EGFLAM: variants seen among roughly 807,000 people sequenced by gnomAD.
EGFLAM encodes the protein pikachurin.
EGFLAM carries 79 observed loss-of-function variants against 113.1 expected under a neutral mutation model. That is an observed-to-expected ratio of 0.70 (90% CI 0.58 to 0.84). The LOEUF is 0.84. Among genes scored for constraint, EGFLAM ranks in the 40% least tolerant of loss-of-function variants. EGFLAM has a pLI of 0.00. For missense variants in EGFLAM, 1,265 were observed against 1,291.6 expected, an observed-to-expected ratio of 0.98 and a Z score of 0.32; for synonymous variants, 504 against 487.6, an observed-to-expected ratio of 1.03 and a Z score of -0.44.
chr5:38,384,391 T>G (rs952966175), intron 6 of EGFLAM, among the ~76,000 whole-genome samples: 2 of 152,172 alleles, frequency 1.3e-5, no homozygotes, highest in African/African-American at 2.4e-5. Flanking sequence ...CCCACTTACA[T>G]GCGTGGTTAC....
At chr5:38,447,837 G>A (rs913924068) in intron 17 of EGFLAM, among the ~76,000 whole-genome samples, 3 of 151,940 alleles carry the variant, frequency 2.0e-5, no homozygotes, top group African/African-American at 7.3e-5. Context: ...CATTCATAGT[G>A]CTTTAGAGTC....
intron 19 of EGFLAM, among the ~76,000 whole-genome samples, chr5:38,454,559 A>C (rs79856699): frequency 6.6e-6 from 1 of 152,228 alleles, no homozygotes; most frequent in African/African-American, 2.4e-5. Flanking sequence ...CCTCAGAGAG[A>C]GAACACGTAG....
intron 11 of EGFLAM, among the ~76,000 whole-genome samples, chr5:38,414,527 A>T (rs1741581719): frequency 6.6e-6 from 1 of 152,146 alleles, no homozygotes; most frequent in Admixed American, 6.6e-5. Flanking sequence ...GGAGGTGATG[A>T]TCTTATTCTA....
At chr5:38,407,225 A>G (rs1307129602) in intron 8 of EGFLAM, 79 bp downstream of exon 8, 3 of 1,474,276 alleles carry the variant, frequency 2.0e-6, no homozygotes, top group Non-Finnish European at 2.8e-6. Flanking sequence ...TGGTCCAAAC[A>G]TAGTTCCTTC....
intron 5 of EGFLAM, among the ~76,000 whole-genome samples, chr5:38,364,647 C>T (rs749171685): frequency 2.6e-5 from 4 of 152,012 alleles, no homozygotes; most frequent in East Asian, 1.9e-4. Context: ...TTTGAAAGAT[C>T]GTGCAGACAT....
intron 11 of EGFLAM, among the ~76,000 whole-genome samples, chr5:38,413,894 G>A (rs181176667): frequency 1.7e-4 from 26 of 152,202 alleles, no homozygotes; most frequent in African/African-American, 3.9e-4. Context: ...CAGAAGGAGC[G>A]TGTAACCTGG....
intron 20 of EGFLAM, among the ~76,000 whole-genome samples, chr5:38,459,509 C>T (rs942322105): frequency 2.6e-5 from 4 of 152,226 alleles, no homozygotes; most frequent in South Asian, 4.1e-4. Context: ...TTTTCAGAAA[C>T]GAAATAGCAG....
At chr5:38,381,504 G>A (rs1478052549) in intron 6 of EGFLAM, among the ~76,000 whole-genome samples, 1 of 152,180 alleles carries the variant, frequency 6.6e-6, no homozygotes, top group Non-Finnish European at 1.5e-5. Context: ...GATCTCAGTA[G>A]TCATCAGGCT....
chr5:38,454,152 C>CT (rs986190484), intron 19 of EGFLAM, among the ~76,000 whole-genome samples: 1 of 152,210 alleles, frequency 6.6e-6, no homozygotes, highest in African/African-American at 2.4e-5. Flanking sequence ...TATCCCACCA[C>CT]ATCAATGTCC....
At chr5:38,311,230 C>A (rs1255790124) in intron 1 of EGFLAM, among the ~76,000 whole-genome samples, 2 of 152,072 alleles carry the variant, frequency 1.3e-5, no homozygotes, top group African/African-American at 4.8e-5. Context: ...CAAATCTATT[C>A]TTTTAGCAGT....
At chr5:38,423,689 G>A (rs979289634) in intron 12 of EGFLAM, among the ~76,000 whole-genome samples, 1 of 152,154 alleles carries the variant, frequency 6.6e-6, no homozygotes, top group African/African-American at 2.4e-5. Flanking sequence ...GGCTGTGGCT[G>A]GAGACCACTG....
chr5:38,298,136 AG>A, intron 1 of EGFLAM, among the ~76,000 whole-genome samples: 1 of 152,150 alleles, frequency 6.6e-6, no homozygotes, highest in South Asian at 2.1e-4. Flanking sequence ...TGCTCAGAGC[AG>A]GGGGGAGATG....
At chr5:38,381,263 G>A (rs1740504281) in intron 6 of EGFLAM, among the ~76,000 whole-genome samples, 1 of 152,036 alleles carries the variant, frequency 6.6e-6, no homozygotes, top group African/African-American at 2.4e-5. Context: ...TCATTTCTTA[G>A]CATCTAAATT....
rs1158829110 is a variant in EGFLAM, at chr5:38,258,710, T to C, written c.-45T>C. On this transcript the variant is annotated 5_prime_UTR_variant, in exon 1 of 22. Coordinates refer to ENST00000322350, the MANE Select transcript of EGFLAM (RefSeq NM_152403.4). ...CGCGCCCCCGGAGACGCCCTTTCCG[T>C]GTGCGCCCGGGACTTGGTGAAACTT... 1 of 1,571,434 alleles carries C rather than the reference T, an allele frequency of 6.4e-7. No homozygotes were observed. The highest frequency in any genetic ancestry group is 2.3e-5 in the East Asian group (1 of 42,564).
At chr5:38,343,382 G>C (rs888620734) in intron 3 of EGFLAM, among the ~76,000 whole-genome samples, 48 of 145,640 alleles carry the variant, frequency 3.3e-4, no homozygotes, top group African/African-American at 1.2e-3. Context: ...CTCTAGCCTG[G>C]GCAACAAGAG....
chr5:38,322,071 G>A (rs933929749), intron 1 of EGFLAM, among the ~76,000 whole-genome samples: 1 of 152,122 alleles, frequency 6.6e-6, no homozygotes, highest in African/African-American at 2.4e-5. Flanking sequence ...CTGCCCCGCC[G>A]AGCCCTGGTC....
At chr5:38,381,115 A>G (rs2112061821) in intron 6 of EGFLAM, among the ~76,000 whole-genome samples, 1 of 152,078 alleles carries the variant, frequency 6.6e-6, no homozygotes, top group East Asian at 1.9e-4. Context: ...TATCTTACCC[A>G]TTTTCACTTT....
intron 9 of EGFLAM, among the ~76,000 whole-genome samples, chr5:38,408,552 G>A (rs1015856631): frequency 2.0e-5 from 3 of 152,134 alleles, no homozygotes; most frequent in Admixed American, 6.5e-5. Flanking sequence ...CACAGCTTTT[G>A]GCTGAGCTAT....
At chr5:38,385,738 T>C (rs933741553) in intron 6 of EGFLAM, among the ~76,000 whole-genome samples, 2 of 152,014 alleles carry the variant, frequency 1.3e-5, no homozygotes, top group African/African-American at 4.8e-5. Flanking sequence ...TGTGGTCATG[T>C]CCCATTGAAT....
Sources: allele counts gnomAD v4.1 joint callset (sites outside exome capture counted in the v4.1 genomes callset), GRCh38; gene constraint gnomAD v4.1.1; transcripts MANE v1.5; gene names NCBI Gene and HGNC (gene_info 2026-07-23, HGNC 2026-07-21).